Variants in EMG1 observed in about 807,000 individuals in gnomAD.
EMG1 encodes ribosomal RNA small subunit methyltransferase NEP1.
Under a neutral mutation model 26.9 loss-of-function variants are expected in EMG1, and 24 were observed. The ratio of observed to expected loss-of-function variants is 0.89; its 90% CI spans 0.65 to 1.26. The LOEUF (loss-of-function observed/expected upper bound fraction) is 1.26. Ranked by LOEUF, EMG1 falls within the 50% of genes most tolerant of loss-of-function variation. The probability of loss-of-function intolerance (pLI) is 0.00; values close to 1 mark genes in which losing one functional copy is unlikely to be tolerated. For synonymous variants in EMG1, 140 were observed against 112.6 expected (o/e 1.24, Z -1.54); for missense variants, 299 against 307.6 (o/e 0.97, Z 0.21).
Position 6,975,336 on chromosome 12 carries a change from T to C in EMG1, c.579T>C (p.Ser193=). ...VSDVRELVPS[S]DPIVFVVGAF... Reference sequence around the variant, plus strand: ...ATGTGCGTGAGCTGGTGCCCAGCAGTGATCCTATTGTTTTTGTGGTAGGGG... The same window carrying C: ...ATGTGCGTGAGCTGGTGCCCAGCAGCGATCCTATTGTTTTTGTGGTAGGGG... The change falls in exon 5 of 6, where the codon AGT becomes AGC. Residue 193 remains serine (S), a synonymous_variant. Coordinates refer to ENST00000599672, the MANE Select transcript of EMG1 (RefSeq NM_006331.8). 1 of 1,607,278 alleles carries C rather than the reference T, an allele frequency of 6.2e-7. No individual in the cohort carries two copies. The highest frequency in any genetic ancestry group is 8.5e-7 in the Non-Finnish European group (1 of 1,176,390).
In EMG1 at chr12:6,975,296, T is replaced by TCCCGGTTGTCAG; in HGVS notation, c.540_551dup (p.Pro181_Ser184dup). 1 of 1,612,252 alleles carries TCCCGGTTGTCAG rather than the reference T, an allele frequency of 6.2e-7. No homozygotes were observed. The highest frequency in any genetic ancestry group is 1.3e-5 in the African/African-American group (1 of 75,054). On this transcript the variant is annotated inframe_insertion, in exon 5 of 6. Transcript: ENST00000599672. ...ATGAAAGTTGGCACTTCTTTTTCCA[T>TCCCGGTTGTCAG]CCCGGTTGTCAGTGATGTGCGTGAG...
At chr12:6,990,039 G>A (rs950390440), downstream of EMG1, among the ~76,000 whole-genome samples, 4 of 151,548 alleles carry the variant, frequency 2.6e-5, no homozygotes, top group African/African-American at 9.7e-5. Flanking sequence ...TGGGTGGGGT[G>A]GGTGGTGCGT....
At chr12:6,997,236 G>C (rs1003651264) in exon 8 of EMG1, 1 of 152,084 alleles carries the variant, frequency 6.6e-6, no homozygotes, top group South Asian at 2.1e-4. Context: ...ACTTCACTCT[G>C]TTGCCCAGGC....
chr12:6,977,794 A>T lies in EMG1; in HGVS notation c.*1985A>T, dbSNP rs782581186. 32 of 1,608,840 alleles carry T rather than the reference A, an allele frequency of 2.0e-5. No homozygotes were observed. The highest frequency in any genetic ancestry group is 1.6e-4 in the African/African-American group (12 of 74,860). ...GACCCTCAAACTGACTGGTCCTTGCATCCCGCCACCTGCCTCTGGGTCCTC... is the reference window on the plus strand; with the variant it reads ...GACCCTCAAACTGACTGGTCCTTGCTTCCCGCCACCTGCCTCTGGGTCCTC... On this transcript the variant is annotated 3_prime_UTR_variant, in exon 6 of 6. Coordinates refer to ENST00000599672, the MANE Select transcript of EMG1 (RefSeq NM_006331.8). The surrounding 1 kb of genome is among the most constrained non-coding windows in gnomAD (Gnocchi z 4.5).
chr12:6,981,834 C>A, downstream of EMG1: 1 of 1,613,892 alleles, frequency 6.2e-7, no homozygotes, highest in Non-Finnish European at 8.5e-7. Context: ...AGTCAGAACA[C>A]AATGTGGCAT....
At chr12:6,992,341 A>C (rs1381968680), downstream of EMG1, among the ~76,000 whole-genome samples, 1 of 152,032 alleles carries the variant, frequency 6.6e-6, no homozygotes, top group Admixed American at 6.6e-5. Context: ...AAAAAACAAA[A>C]AAAATTTACC....
chr12:6,974,728 G>A lies in EMG1; in HGVS notation c.412+35G>A, dbSNP rs782423280. ...CTTAGAACAAAGTTAGAATGAACTT[G>A]TCAGTAGGGAAGAAGGGAGGAAGAG... On this transcript the variant is annotated intron_variant, in intron 3 of 5. Coordinates refer to ENST00000599672, the MANE Select transcript of EMG1 (RefSeq NM_006331.8). The A allele has an allele frequency of 5.0e-6, 8 of 1,611,922 alleles. No individual in the cohort carries two copies. In the Admixed American group the frequency reaches 1.0e-4, roughly 20 times the overall value.
chr12:6,976,109 G>A lies in EMG1; in HGVS notation c.*300G>A. 1 of 295,146 alleles carries A rather than the reference G, an allele frequency of 3.4e-6. No homozygotes were observed. The highest frequency in any genetic ancestry group is 6.4e-6 in the Non-Finnish European group (1 of 156,676). The allele number at this position is 295,146 out of a possible 1,614,324, so 18.3% of individuals were successfully genotyped here. On this transcript the variant is annotated 3_prime_UTR_variant, in exon 6 of 6. Transcript: ENST00000599672. The stretch of plus-strand genomic sequence containing the variant: ...CTTTGAAGGCAGGCTTTAGCTCCCA[G>A]ATTCCCATGTGCTAAAGGAGAGAAC...
chr12:6,978,135 T>G lies in EMG1; in HGVS notation c.*2326T>G. 9.6e-6 allele frequency: 6 copies of G among 627,430 alleles called. No homozygotes were observed. Among genetic ancestry groups the G allele is most frequent in the Non-Finnish European group, 1.6e-5 (6 of 364,840 alleles). 38.9% of individuals were successfully genotyped at this position (627,430 alleles called of 1,614,324 possible). A position where few individuals can be genotyped will look rare whatever the true frequency, so the allele number is the denominator to read the frequency against. ...AGTAACACCCAGGTCTTAACGCACT[T>G]TTATATCTTGCCTTTTTTTCAAATA... On this transcript the variant is annotated 3_prime_UTR_variant, in exon 6 of 6. Coordinates refer to ENST00000599672, the MANE Select transcript of EMG1 (RefSeq NM_006331.8).
Position 6,978,557 on chromosome 12 carries a change from C to A in EMG1, c.*2748C>A. 1 of 1,613,194 alleles carries A rather than the reference C, an allele frequency of 6.2e-7. No individual in the cohort carries two copies. The highest frequency in any genetic ancestry group is 8.5e-7 in the Non-Finnish European group (1 of 1,179,374). ...GCTCTTGCCACTCCCCATACTGGCC[C>A]CCATGGCTTGTCTAAATAGGACCTT... On this transcript the variant is annotated 3_prime_UTR_variant, in exon 6 of 6. Coordinates refer to ENST00000599672, the MANE Select transcript of EMG1 (RefSeq NM_006331.8).
intron 1 of EMG1, among the ~76,000 whole-genome samples, chr12:6,973,470 A>G (rs1270178157): frequency 1.3e-5 from 2 of 151,032 alleles, no homozygotes; most frequent in South Asian, 2.1e-4. Flanking sequence ...ATCTGCCCCC[A>G]TGCCCGTCTT....
Position 6,977,950 on chromosome 12 carries a change from A to G in EMG1, c.*2141A>G. On this transcript the variant is annotated 3_prime_UTR_variant, in exon 6 of 6. Transcript: ENST00000599672. The surrounding 1 kb of genome is among the most constrained non-coding windows in gnomAD (Gnocchi z 4.5). ...AGGCGGAGCTGGAGACCGTGTGCGC[A>G]CGAGCCACTTGGTTCAGCAGCAGTG... 3.3e-6 allele frequency: 2 copies of G among 603,588 alleles called. No individual in the cohort carries two copies. Among genetic ancestry groups the G allele is most frequent in the South Asian group, 3.9e-5 (2 of 51,018 alleles). The allele number at this position is 603,588 out of a possible 1,614,324, so 37.4% of individuals were successfully genotyped here. A position where few individuals can be genotyped will look rare whatever the true frequency, so the allele number is the denominator to read the frequency against.
Position 6,976,958 on chromosome 12 carries a change from C to T in EMG1, c.*1149C>T. Reference sequence around the variant, plus strand: ...TGTAATTCCTGGTCTATAGCCCTTCCAGATGTTTCCTAGCATGCCTCAATA... The same window carrying T: ...TGTAATTCCTGGTCTATAGCCCTTCTAGATGTTTCCTAGCATGCCTCAATA... On this transcript the variant is annotated 3_prime_UTR_variant, in exon 6 of 6. Transcript: ENST00000599672. The T allele has an allele frequency of 1.7e-6, 1 of 581,056 alleles. No homozygotes were observed. The highest frequency in any genetic ancestry group is 2.0e-5 in the South Asian group (1 of 49,226). 36.0% of individuals were successfully genotyped at this position (581,056 alleles called of 1,614,324 possible).
intron 1 of EMG1, among the ~76,000 whole-genome samples, chr12:6,971,984 G>A (rs1165570374): frequency 6.6e-6 from 1 of 151,516 alleles, no homozygotes; most frequent in African/African-American, 2.4e-5. Flanking sequence ...TCTCTTACCC[G>A]TTAGAACTAA....
chr12:6,974,054 G>T (rs1946363569), intron 1 of EMG1, among the ~76,000 whole-genome samples: 1 of 152,226 alleles, frequency 6.6e-6, no homozygotes, highest in Non-Finnish European at 1.5e-5. Context: ...TAAATCCAGT[G>T]TATTAGTAGA....
exon 8 of EMG1, chr12:6,988,188 C>T (rs1384057285): frequency 2.2e-5 from 4 of 179,360 alleles, no homozygotes; most frequent in Admixed American, 6.2e-5. Flanking sequence ...CAGGAGGGGA[C>T]GTTGTTGAGT....
At chr12:6,975,573 T>C in intron 5 of EMG1, 123 bp from the exon 6 acceptor site, 1 of 968,950 alleles carries the variant, frequency 1.0e-6, no homozygotes, top group Non-Finnish European at 1.7e-6. Flanking sequence ...TCATCCTTTG[T>C]AGGGATTTGA....
chr12:6,979,149 A>G lies in EMG1; in HGVS notation c.*3340A>G, dbSNP rs1235256731. On this transcript the variant is annotated 3_prime_UTR_variant, in exon 6 of 6. Coordinates refer to ENST00000599672, the MANE Select transcript of EMG1 (RefSeq NM_006331.8). The stretch of plus-strand genomic sequence containing the variant: ...AGTGCCCAAATGTATCAGTCAAGAG[A>G]AGAAAATAGGATGGAGAATCAGAAG... The G allele has an allele frequency of 3.3e-5, 12 of 367,224 alleles. 1 individual carries two copies. Among genetic ancestry groups the G allele is most frequent in the South Asian group, 8.3e-5 (2 of 24,094 alleles). 22.7% of individuals were successfully genotyped at this position (367,224 alleles called of 1,614,324 possible). A position where few individuals can be genotyped will look rare whatever the true frequency, so the allele number is the denominator to read the frequency against.
intron 7 of EMG1, among the ~76,000 whole-genome samples, chr12:6,993,681 T>G (rs1946609302): frequency 6.6e-6 from 1 of 152,228 alleles, no homozygotes; most frequent in African/African-American, 2.4e-5. Flanking sequence ...TAGCATGTTT[T>G]CAAGGTTCAT....
Sources: allele counts gnomAD v4.1 joint callset (sites outside exome capture counted in the v4.1 genomes callset), GRCh38; gene constraint gnomAD v4.1.1; non-coding constraint Gnocchi (gnomAD v3.1); transcripts MANE v1.5; gene names NCBI Gene and HGNC (gene_info 2026-07-23, HGNC 2026-07-21).